Variants in PAK5 observed in about 807,000 individuals in gnomAD.
The protein encoded by PAK5 is p21 (RAC1) activated kinase 5.
Under a neutral mutation model 65.9 loss-of-function variants are expected in PAK5, and 16 were observed. The ratio of observed to expected loss-of-function variants is 0.24; its 90% CI spans 0.16 to 0.37. PAK5 has a LOEUF of 0.37. Among genes scored for constraint, PAK5 ranks in the 10% least tolerant of loss-of-function variants. The pLI, the probability that PAK5 is intolerant of heterozygous loss-of-function variation, is 1.00. For synonymous variants in PAK5, 371 were observed against 354.9 expected, an observed-to-expected ratio of 1.05 and a Z score of -0.51; for missense variants, 785 against 903.9, an observed-to-expected ratio of 0.87 and a Z score of 1.69.
intron 7 of PAK5, among the ~76,000 whole-genome samples, chr20:9,546,429 G>A (rs1343390606): frequency 1.3e-5 from 2 of 152,140 alleles, no homozygotes; most frequent in Non-Finnish European, 2.9e-5. Flanking sequence ...GGTTTATCAT[G>A]TGATGAGTTT....
At chr20:9,770,554 G>T (rs1239100076) in intron 1 of PAK5, among the ~76,000 whole-genome samples, 2 of 152,194 alleles carry the variant, frequency 1.3e-5, no homozygotes, top group Admixed American at 1.3e-4. Context: ...CTGGGTGAGT[G>T]TAGGCAAGAT....
intron 1 of PAK5, among the ~76,000 whole-genome samples, chr20:9,830,731 G>C (rs1183861867): frequency 6.6e-6 from 1 of 152,202 alleles, no homozygotes; most frequent in East Asian, 1.9e-4. Flanking sequence ...CTGGCTCCAA[G>C]AGGAAAATGT....
chr20:9,744,990 G>A (rs111680150), intron 1 of PAK5, among the ~76,000 whole-genome samples: 2,344 of 152,128 alleles, frequency 0.015, 19 homozygotes, highest in Middle Eastern at 0.041. Flanking sequence ...AGGAGAATGG[G>A]GATAGAGAGA....
At chr20:9,666,950 C>T (rs1293534096) in intron 2 of PAK5, among the ~76,000 whole-genome samples, 1 of 152,140 alleles carries the variant, frequency 6.6e-6, no homozygotes, top group Non-Finnish European at 1.5e-5. Flanking sequence ...ATAGATTAAA[C>T]ATGGCTGCAA....
At chr20:9,596,090 G>A (rs529999631) in intron 3 of PAK5, among the ~76,000 whole-genome samples, 2 of 152,240 alleles carry the variant, frequency 1.3e-5, no homozygotes, top group East Asian at 3.9e-4. Flanking sequence ...TATTCCACTT[G>A]GGAAACAAAG....
intron 2 of PAK5, among the ~76,000 whole-genome samples, chr20:9,650,424 G>A (rs1218448009): frequency 3.9e-5 from 6 of 151,970 alleles, no homozygotes; most frequent in African/African-American, 1.5e-4. Context: ...CAGGCAATTT[G>A]TAGGTGGAGA....
intron 3 of PAK5, among the ~76,000 whole-genome samples, chr20:9,596,207 A>C (rs1568987767): frequency 6.6e-6 from 1 of 152,160 alleles, no homozygotes; most frequent in Non-Finnish European, 1.5e-5. Flanking sequence ...CCTTGATCTT[A>C]CATCTGACCC....
At chr20:9,570,149 C>A (rs113695985) in intron 4 of PAK5, among the ~76,000 whole-genome samples, 2 of 152,190 alleles carry the variant, frequency 1.3e-5, no homozygotes, top group African/African-American at 2.4e-5. Context: ...TCTAAAGGAT[C>A]AAATACATAT....
intron 1 of PAK5, among the ~76,000 whole-genome samples, chr20:9,799,335 T>C (rs924439644): frequency 6.6e-6 from 1 of 152,184 alleles, no homozygotes; most frequent in African/African-American, 2.4e-5. Context: ...GTTGTTTTTG[T>C]GTTGTTATTT....
chr20:9,656,951 A>G (rs2047276303), intron 2 of PAK5, among the ~76,000 whole-genome samples: 1 of 152,090 alleles, frequency 6.6e-6, no homozygotes, highest in Non-Finnish European at 1.5e-5. Flanking sequence ...CTTGAATTGT[A>G]CCCCCCATTT....
At chr20:9,767,271 T>C (rs983452918) in intron 1 of PAK5, among the ~76,000 whole-genome samples, 28 of 152,316 alleles carry the variant, frequency 1.8e-4, no homozygotes, top group African/African-American at 6.7e-4. Flanking sequence ...GGAGAATAAT[T>C]AACCTATTTA....
At chr20:9,589,136 C>T (rs2046120965) in intron 3 of PAK5, among the ~76,000 whole-genome samples, 1 of 152,162 alleles carries the variant, frequency 6.6e-6, no homozygotes, top group Non-Finnish European at 1.5e-5. Context: ...TTCATTTTGT[C>T]TTTCAGGTAA....
In PAK5 at chr20:9,543,222, C is replaced by T. The variant is rs114802959; in HGVS notation, c.1870-502G>A. On this transcript the variant is annotated intron_variant, in intron 8 of 9. Transcript: ENST00000353224. Reference sequence around the variant, plus strand: ...TCCCCTACTTTGGGATTTCCTTCCACTACCTTTTATTATCATTTCAAAACA... The same window carrying T: ...TCCCCTACTTTGGGATTTCCTTCCATTACCTTTTATTATCATTTCAAAACA... Among the ~76,000 whole-genome samples, 1,228 of 152,278 alleles carry T rather than the reference C, an allele frequency of 8.1e-3. 12 individuals are homozygous for T. Among genetic ancestry groups the T allele is most frequent in the African/African-American group, 0.027 (1,119 of 41,542 alleles).
chr20:9,630,768 T>G (rs2046910833), intron 3 of PAK5, among the ~76,000 whole-genome samples: 1 of 152,212 alleles, frequency 6.6e-6, no homozygotes, highest in African/African-American at 2.4e-5. Flanking sequence ...CCTTGAAATG[T>G]AATCAGGGAA....
intron 2 of PAK5, among the ~76,000 whole-genome samples, chr20:9,665,667 T>TC (rs2047407289): frequency 6.6e-6 from 1 of 151,718 alleles, no homozygotes; most frequent in South Asian, 2.1e-4. Context: ...CTTTTCTTTT[T>TC]TTTTTTTTGA....
chr20:9,640,945 C>T (rs1030948045), intron 3 of PAK5, among the ~76,000 whole-genome samples: 1 of 152,204 alleles, frequency 6.6e-6, no homozygotes, highest in Non-Finnish European at 1.5e-5. Context: ...AAGAACAAAG[C>T]TTCCACAGTG....
At chr20:9,664,787 C>G (rs1016592647) in intron 2 of PAK5, among the ~76,000 whole-genome samples, 1 of 152,042 alleles carries the variant, frequency 6.6e-6, no homozygotes, top group East Asian at 1.9e-4. Context: ...CTCATAAATA[C>G]AAGGCTAAAA....
rs1226027326 is a variant in PAK5 at position 9,544,405 on chromosome 20, G to A, written c.1833C>T (p.Ala611=). 6.2e-7 allele frequency: 1 copy of A among 1,614,000 alleles called. No homozygotes were observed. Among genetic ancestry groups the A allele is most frequent in the Non-Finnish European group, 8.5e-7 (1 of 1,179,916 alleles). Residue 611 remains alanine (A), a synonymous_variant, in exon 8 of 10, where the codon GCC becomes GCT. Coordinates refer to ENST00000353224, the MANE Select transcript of PAK5 (RefSeq NM_177990.4). ...KSLVGTPYWM[A]PEVISRLPYG... is the part of the protein sequence containing the mutation. ...AAGGTAGCCTAGAAATCACCTCAGG[G>A]GCCATCCAGTAGGGAGTGCCAACCA...
chr20:9,658,811 T>G (rs1264135339), intron 2 of PAK5, among the ~76,000 whole-genome samples: 1 of 152,178 alleles, frequency 6.6e-6, no homozygotes, highest in Non-Finnish European at 1.5e-5. Flanking sequence ...TAAAAAATAT[T>G]TTTAAAGATG....
Sources: gnomAD v4.1 joint callset for allele counts (sites outside exome capture counted in the v4.1 genomes callset) on GRCh38, gnomAD v4.1.1 for gene constraint, MANE v1.5 for transcripts, NCBI Gene and HGNC (gene_info 2026-07-23, HGNC 2026-07-21) for gene names.